Variants in MYO16 observed in about 807,000 individuals in gnomAD.
MYO16 encodes the protein myosin XVI, also known as unconventional myosin-XVI.
MYO16 carries 94 observed loss-of-function variants against 205.3 expected under a neutral mutation model. The ratio of observed to expected loss-of-function variants is 0.46; its 90% CI spans 0.39 to 0.54. The LOEUF is 0.54. Ranked by LOEUF, MYO16 falls within the 20% of genes least tolerant of loss-of-function variation. The probability of loss-of-function intolerance (pLI) is 0.00; values close to 1 mark genes in which losing one functional copy is unlikely to be tolerated. For missense variants in MYO16, 2,315 were observed against 2,387.5 expected (o/e 0.97, Z 0.63); for synonymous variants, 988 against 954.0 (o/e 1.04, Z -0.66).
chr13:108,627,310 G>C (rs1879781042), upstream of MYO16, among the ~76,000 whole-genome samples: 1 of 152,114 alleles, frequency 6.6e-6, no homozygotes, highest in Admixed American at 6.6e-5. Context: ...TGTAGATACA[G>C]TTTATACATA....
In MYO16 at chr13:109,183,225, G is replaced by C. The variant is rs183846902; in HGVS notation, c.5415+3592G>C. ...GGTGGTGAGAAGCTAAGCGGCGGTGGGGGGGAATGCTGACAGCATCAGCCA... is the reference window on the plus strand; with the variant it reads ...GGTGGTGAGAAGCTAAGCGGCGGTGCGGGGGAATGCTGACAGCATCAGCCA... On this transcript the variant is annotated intron_variant, in intron 34 of 34. Coordinates refer to ENST00000457511, the MANE Select transcript of MYO16 (RefSeq NM_001198950.3). Among the ~76,000 whole-genome samples the C allele has an allele frequency of 3.3e-4, 51 of 152,292 alleles. 2 individuals are homozygous for C. The South Asian group carries it at 8.3e-3, about 25-fold the overall frequency.
At chr13:108,847,640 G>T (rs1877590685) in intron 10 of MYO16, among the ~76,000 whole-genome samples, 1 of 151,674 alleles carries the variant, frequency 6.6e-6, no homozygotes, top group Non-Finnish European at 1.5e-5. Context: ...TTATCAAATG[G>T]TAACTGTGTA....
chr13:108,600,745 T>G (rs1209300882), intron 1 of MYO16, among the ~76,000 whole-genome samples: 1 of 152,188 alleles, frequency 6.6e-6, no homozygotes, highest in Non-Finnish European at 1.5e-5. Flanking sequence ...ACACTATTTT[T>G]TCTTTCATTT....
chr13:108,949,239 A>G (rs944148497), intron 16 of MYO16, among the ~76,000 whole-genome samples: 1 of 152,268 alleles, frequency 6.6e-6, no homozygotes, highest in African/African-American at 2.4e-5. Context: ...TTAGAAACTT[A>G]GTCTAAAGAA....
At chr13:109,019,402 G>A (rs1002630267) in intron 22 of MYO16, among the ~76,000 whole-genome samples, 2 of 152,028 alleles carry the variant, frequency 1.3e-5, no homozygotes, top group African/African-American at 4.8e-5. Flanking sequence ...TTTTCCTGTA[G>A]TCTGAATTTC....
intron 2 of MYO16, among the ~76,000 whole-genome samples, chr13:108,688,045 A>G (rs946643119): frequency 1.3e-5 from 2 of 152,210 alleles, no homozygotes; most frequent in African/African-American, 4.8e-5. Context: ...AGCATTTGCC[A>G]TGTAGAGTTT....
chr13:109,183,339 A>G (rs1028979892), intron 34 of MYO16, among the ~76,000 whole-genome samples: 2 of 152,204 alleles, frequency 1.3e-5, no homozygotes, highest in African/African-American at 2.4e-5. Context: ...GAAGCCCACG[A>G]TTTATAAATA....
intron 20 of MYO16, among the ~76,000 whole-genome samples, chr13:108,981,406 T>C (rs1884443335): frequency 6.6e-6 from 1 of 152,252 alleles, no homozygotes; most frequent in South Asian, 2.1e-4. Context: ...CCATGTACAA[T>C]ATAAGTTTGA....
At chr13:108,704,245 C>A (rs920584684) in intron 2 of MYO16, among the ~76,000 whole-genome samples, 1 of 152,086 alleles carries the variant, frequency 6.6e-6, no homozygotes, top group East Asian at 1.9e-4. Context: ...AAATGAATCA[C>A]AATAGATATT....
chr13:108,535,108 C>T, the MYO16 span, among the ~76,000 whole-genome samples: 1 of 150,386 alleles, frequency 6.6e-6, no homozygotes, highest in Admixed American at 6.7e-5. Context: ...CCTCCTTCTC[C>T]TCCTCCTTTT....
At chr13:108,788,210 G>A (rs1319173661) in intron 5 of MYO16, among the ~76,000 whole-genome samples, 2 of 152,114 alleles carry the variant, frequency 1.3e-5, no homozygotes, top group African/African-American at 2.4e-5. Context: ...TCTTGAACAA[G>A]TTGATTACAT....
At chr13:108,920,227 G>A (rs2139261284) in intron 16 of MYO16, among the ~76,000 whole-genome samples, 1 of 152,302 alleles carries the variant, frequency 6.6e-6, no homozygotes, top group Non-Finnish European at 1.5e-5. Flanking sequence ...TCTGGACAAG[G>A]AGGCTCTGAA....
intron 1 of MYO16, among the ~76,000 whole-genome samples, chr13:108,639,962 G>A (rs897782415): frequency 2.6e-5 from 4 of 152,220 alleles, no homozygotes; most frequent in Non-Finnish European, 4.4e-5. Flanking sequence ...TTTCAGATGG[G>A]AAGAGCAGGC....
chr13:108,937,360 TATA>T (rs1346771961), intron 16 of MYO16, among the ~76,000 whole-genome samples: 2 of 152,172 alleles, frequency 1.3e-5, no homozygotes, highest in African/African-American at 4.8e-5. Flanking sequence ...GTTCATTTTA[TATA>T]ATATCTCACA....
chr13:108,799,480 A>T (rs1335985935), intron 6 of MYO16, among the ~76,000 whole-genome samples: 1 of 152,228 alleles, frequency 6.6e-6, no homozygotes, highest in Non-Finnish European at 1.5e-5. Context: ...GGCATTGACC[A>T]TGAATGCTAT....
the MYO16 span, among the ~76,000 whole-genome samples, chr13:108,504,417 A>T: frequency 0.024 from 3,651 of 152,102 alleles, 125 homozygotes; most frequent in South Asian, 0.09. Flanking sequence ...GTGAGCCACC[A>T]CGCCCAGCCC....
intron 4 of MYO16, chr13:108,780,045 A>G (rs1886251241): frequency 6.6e-6 from 1 of 152,212 alleles, no homozygotes; most frequent in South Asian, 2.1e-4. Flanking sequence ...ACGGATTACC[A>G]TGGTGGGGTA....
intron 10 of MYO16, among the ~76,000 whole-genome samples, chr13:108,851,560 G>A (rs561053526): frequency 5.4e-4 from 82 of 152,200 alleles, no homozygotes; most frequent in Non-Finnish European, 3.2e-4. Context: ...CCTGGACTGC[G>A]TAAAAATTAT....
chr13:108,827,973 G>C (rs1445921872), intron 9 of MYO16, among the ~76,000 whole-genome samples: 1 of 151,876 alleles, frequency 6.6e-6, no homozygotes, highest in Non-Finnish European at 1.5e-5. Context: ...AAGTGGAGTA[G>C]TTCATTGATG....
Sources: allele counts gnomAD v4.1 joint callset (sites outside exome capture counted in the v4.1 genomes callset), GRCh38; gene constraint gnomAD v4.1.1; transcripts MANE v1.5; gene names NCBI Gene and HGNC (gene_info 2026-07-23, HGNC 2026-07-21).